SENP1: variants seen among roughly 807,000 people sequenced by gnomAD.
The protein encoded by SENP1 is SUMO specific peptidase 1.
SENP1 carries 21 observed loss-of-function variants against 93.0 expected under a neutral mutation model. The ratio of observed to expected loss-of-function variants is 0.23; its 90% CI spans 0.16 to 0.33. The LOEUF (loss-of-function observed/expected upper bound fraction) is 0.33, where lower values mean the gene tolerates loss of function less well. Among genes scored for constraint, SENP1 ranks in the 10% least tolerant of loss-of-function variants. The pLI, the probability that SENP1 is intolerant of heterozygous loss-of-function variation, is 1.00. For synonymous variants in SENP1, 256 were observed against 259.6 expected (o/e 0.99, Z 0.13); for missense variants, 591 against 758.7 (o/e 0.78, Z 2.60).
At chr12:48,093,242 G>A (rs952114842) in intron 4 of SENP1, among the ~76,000 whole-genome samples, 5 of 147,914 alleles carry the variant, frequency 3.4e-5, no homozygotes, top group African/African-American at 1.2e-4. Flanking sequence ...CTTCATGTCA[G>A]TTCAAGTAGG....
intron 13 of SENP1, among the ~76,000 whole-genome samples, chr12:48,053,499 A>T (rs933648661): frequency 6.6e-6 from 1 of 151,612 alleles, no homozygotes; most frequent in Non-Finnish European, 1.5e-5. Context: ...AAAAAAAAAA[A>T]AGAATGTTCA....
At chr12:48,094,683 AAATAAT>A (rs944631145) in intron 4 of SENP1, among the ~76,000 whole-genome samples, 1 of 152,014 alleles carries the variant, frequency 6.6e-6, no homozygotes, top group African/African-American at 2.4e-5. Flanking sequence ...CCATCTCAAA[AAATAAT>A]AATAATAATA....
chr12:48,095,635 GTAAAAAGACC>G (rs1945509980), intron 4 of SENP1, among the ~76,000 whole-genome samples: 1 of 151,930 alleles, frequency 6.6e-6, no homozygotes, highest in Admixed American at 6.6e-5. Flanking sequence ...AGCATGAGGA[GTAAAAAGACC>G]TGGGAAGACT....
At chr12:48,103,821 C>A (rs1020378301) in intron 1 of SENP1, among the ~76,000 whole-genome samples, 1 of 152,150 alleles carries the variant, frequency 6.6e-6, no homozygotes, top group Non-Finnish European at 1.5e-5. Flanking sequence ...AAAAAGATCA[C>A]AGTCTTGACA....
intron 13 of SENP1, among the ~76,000 whole-genome samples, chr12:48,061,771 G>T (rs1392395659): frequency 1.3e-5 from 2 of 152,148 alleles, no homozygotes; most frequent in East Asian, 3.8e-4. Context: ...CCATCAGGAT[G>T]TTAGCTTCTC....
In SENP1 at chr12:48,046,984, T is replaced by C. The variant is rs760670068; in HGVS notation, c.1770A>G (p.Lys590=). ...TCATCAAGATGAAAGGTACCTGGCT[T>C]TTCTTGCTGAAAAGCTGCCAGCCAT... The part of the protein sequence containing the change: ...DTNGWQLFSK[K]SQEIPQQMNG... The change falls in exon 16 of 18, where the codon AAA becomes AAG. Residue 590 remains lysine (K), a synonymous_variant. Coordinates refer to ENST00000549518, the MANE Select transcript of SENP1 (RefSeq NM_001267594.2). 3 of 1,609,370 alleles carry C rather than the reference T, an allele frequency of 1.9e-6. No homozygotes were observed. The highest frequency in any genetic ancestry group is 1.7e-5 in the Admixed American group (1 of 59,874).
chr12:48,089,357 A>G, intron 4 of SENP1: 2 of 1,304,684 alleles, frequency 1.5e-6, no homozygotes, highest in Non-Finnish European at 2.0e-6. Flanking sequence ...TTGTAATTCA[A>G]ATGAACAACA....
At position 48,044,127 on chromosome 12, in the gene SENP1, GTTTT is replaced by G. The variant is rs1176469512; in HGVS notation, c.*1191_*1194del. The G allele has an allele frequency of 7.0e-6, 1 of 143,658 alleles. No individual in the cohort carries two copies. The highest frequency in any genetic ancestry group is 1.5e-5 in the Non-Finnish European group (1 of 65,182). The allele number at this position is 143,658 out of a possible 1,614,324, so 8.9% of individuals were successfully genotyped here. A position where few individuals can be genotyped will look rare whatever the true frequency, so the allele number is the denominator to read the frequency against. On this transcript the variant is annotated 3_prime_UTR_variant, in exon 18 of 18. Transcript: ENST00000549518. ...AAGTTGATCAGTCCAAACTCCACCC[GTTTT>G]TTTTTTTAGCTGAAAATATCACCTC...
At chr12:48,081,513 C>T (rs1944486956) in intron 6 of SENP1, 2 of 151,856 alleles carry the variant, frequency 1.3e-5, no homozygotes, top group African/African-American at 4.8e-5. Flanking sequence ...CTATCCCTTG[C>T]CCTGCTAAAT....
At position 48,043,241 on chromosome 12, in the gene SENP1, C is replaced by A. The variant is rs1941112583; in HGVS notation, c.*2081G>T. Reference sequence around the variant, plus strand: ...TATATTTTTCAAAGTGCTTTTGTTGCATGTTTCATTTTCTGCTATACATGG... The same window carrying A: ...TATATTTTTCAAAGTGCTTTTGTTGAATGTTTCATTTTCTGCTATACATGG... On this transcript the variant is annotated 3_prime_UTR_variant, in exon 18 of 18. Transcript: ENST00000549518. The A allele has an allele frequency of 1.3e-5, 2 of 152,592 alleles. No individual in the cohort carries two copies. The allele number at this position is 152,592 out of a possible 1,614,324, so 9.5% of individuals were successfully genotyped here.
chr12:48,080,864 T>C (rs1254516070), intron 6 of SENP1, among the ~76,000 whole-genome samples: 1 of 152,198 alleles, frequency 6.6e-6, no homozygotes, highest in Non-Finnish European at 1.5e-5. Context: ...GCTCATTTCA[T>C]AGAATAGATT....
intron 4 of SENP1, among the ~76,000 whole-genome samples, chr12:48,095,529 CTG>C (rs1407489436): frequency 8.9e-6 from 1 of 112,054 alleles, no homozygotes; most frequent in African/African-American, 3.5e-5. Flanking sequence ...CAGGGAGACT[CTG>C]TGTCAAAAAA....
At chr12:48,098,190 A>G in intron 2 of SENP1, 66 bp from the exon 3 acceptor site, 1 of 1,506,382 alleles carries the variant, frequency 6.6e-7, no homozygotes, top group Non-Finnish European at 9.0e-7. Flanking sequence ...CTATGAACCA[A>G]TCTTTTCACC....
intron 8 of SENP1, 69 bp downstream of exon 8, chr12:48,074,255 T>G (rs1397292523): frequency 8.1e-7 from 1 of 1,238,236 alleles, no homozygotes; most frequent in Non-Finnish European, 1.1e-6. Context: ...CAATGTTGCC[T>G]GTAATGAGCT....
intron 9 of SENP1, among the ~76,000 whole-genome samples, chr12:48,068,571 C>T (rs1457372554): frequency 2.6e-5 from 4 of 152,022 alleles, no homozygotes; most frequent in Non-Finnish European, 2.9e-5. Context: ...TGTGTTCTTT[C>T]GACTGTGCCT....
At chr12:48,053,951 C>A (rs1183050350) in intron 13 of SENP1, among the ~76,000 whole-genome samples, 1 of 152,082 alleles carries the variant, frequency 6.6e-6, no homozygotes, top group Non-Finnish European at 1.5e-5. Flanking sequence ...AAAAAAGAGA[C>A]ATGTCAGCTT....
Position 48,065,581 on chromosome 12 carries a change from A to G in SENP1, c.1119+15T>C, listed in dbSNP as rs1943244629. The stretch of plus-strand genomic sequence containing the variant: ...TACTATTTATTTGTAATATTATTCC[A>G]ATTTTCTTTTTTACCTGGTTTTGAA... On this transcript the variant is annotated intron_variant, in intron 11 of 17. Coordinates refer to ENST00000549518, the MANE Select transcript of SENP1 (RefSeq NM_001267594.2). The G allele has an allele frequency of 6.7e-7, 1 of 1,503,342 alleles. No homozygotes were observed. The highest frequency in any genetic ancestry group is 1.4e-5 in the African/African-American group (1 of 71,750). The allele number at this position is 1,503,342 out of a possible 1,614,324, so 93.1% of individuals were successfully genotyped here.
At chr12:48,060,280 C>T (rs765781828) in intron 13 of SENP1, among the ~76,000 whole-genome samples, 15 of 152,258 alleles carry the variant, frequency 9.9e-5, no homozygotes, top group Non-Finnish European at 2.2e-4. Context: ...GTTTTATTTA[C>T]TTGTATACCT....
chr12:48,059,612 G>A (rs1056364398), intron 13 of SENP1, among the ~76,000 whole-genome samples: 4 of 151,890 alleles, frequency 2.6e-5, no homozygotes, highest in East Asian at 1.9e-4. Flanking sequence ...GTACTTTCCC[G>A]CCTCATGTAT....
Sources: allele counts gnomAD v4.1 joint callset (sites outside exome capture counted in the v4.1 genomes callset), GRCh38; gene constraint gnomAD v4.1.1; transcripts MANE v1.5; gene names NCBI Gene and HGNC (gene_info 2026-07-23, HGNC 2026-07-21).